PRDM10: variants seen among roughly 807,000 people sequenced by gnomAD.
PRDM10 encodes the protein PR domain zinc finger protein 10.
In PRDM10, 65 loss-of-function variants were observed where a neutral mutation model predicts 133.1. That is an observed-to-expected ratio of 0.49 (90% CI 0.40 to 0.60). The LOEUF (loss-of-function observed/expected upper bound fraction) is 0.60, where lower values mean the gene tolerates loss of function less well. Among genes scored for constraint, PRDM10 ranks in the 20% least tolerant of loss-of-function variants. PRDM10 has a pLI of 0.00. For missense variants in PRDM10, 1,137 were observed against 1,507.1 expected, an observed-to-expected ratio of 0.75 and a Z score of 4.07; for synonymous variants, 582 against 580.4, an observed-to-expected ratio of 1.00 and a Z score of -0.04.
chr11:129,954,137 A>G (rs1345875229), intron 4 of PRDM10, among the ~76,000 whole-genome samples: 1 of 151,240 alleles, frequency 6.6e-6, no homozygotes, highest in Non-Finnish European at 1.5e-5. Context: ...AAACTTCTCT[A>G]TATTTCAGAT....
Position 129,959,861 on chromosome 11 carries a change from C to G in PRDM10, c.69+1035G>C, listed in dbSNP as rs78951240. Among the ~76,000 whole-genome samples the G allele has an allele frequency of 9.8e-3, 1,494 of 151,970 alleles. 25 individuals are homozygous for G. The highest frequency in any genetic ancestry group is 0.034 in the African/African-American group (1,424 of 41,442). On this transcript the variant is annotated intron_variant, in intron 2 of 20. Transcript: ENST00000360871. The stretch of plus-strand genomic sequence containing the variant: ...TGGTGCAGTCATGGTTCACTGCAGC[C>G]TCCACCTCCTAGAGACATGACCGCA...
chr11:129,932,063 A>T (rs1251239948), intron 10 of PRDM10, 39 bp downstream of exon 10: 2 of 1,596,766 alleles, frequency 1.3e-6, no homozygotes, highest in African/African-American at 2.7e-5. Context: ...AGTCCTCCAC[A>T]CAAGCACCTA....
At position 129,910,489 on chromosome 11, in the gene PRDM10, G is replaced by A. The variant is rs769955723; in HGVS notation, c.3150C>T (p.Ser1050=). The part of the protein sequence containing the change: ...QHTYLPSAWN[S]FRGYSSEIQM... ...CTTCTTACTTACAATAGCCACGGAA[G>A]GAATTCCAAGCACTGGGCAGGTACG... is the stretch of plus-strand genomic sequence containing the variant. The change falls in exon 19 of 21, where the codon TCC becomes TCT. Residue 1050 remains serine, a synonymous_variant. Transcript: ENST00000360871. The A allele has an allele frequency of 9.9e-6, 16 of 1,613,968 alleles. No individual in the cohort carries two copies. Among genetic ancestry groups the A allele is most frequent in the Non-Finnish European group, 1.3e-5 (15 of 1,180,050 alleles).
chr11:129,933,868 T>A (rs1892905), intron 9 of PRDM10, among the ~76,000 whole-genome samples: 2 of 151,944 alleles, frequency 1.3e-5, no homozygotes, highest in Admixed American at 6.6e-5. Flanking sequence ...AGCCTCTTCA[T>A]GCCAATCCCA....
chr11:129,985,367 G>T (rs1288478040), intron 1 of PRDM10, among the ~76,000 whole-genome samples: 1 of 151,998 alleles, frequency 6.6e-6, no homozygotes, highest in Non-Finnish European at 1.5e-5. Context: ...AACACTATGG[G>T]GGGAAAATGC....
intron 13 of PRDM10, among the ~76,000 whole-genome samples, chr11:129,920,954 C>T (rs1192321151): frequency 6.6e-6 from 1 of 152,098 alleles, no homozygotes; most frequent in African/African-American, 2.4e-5. Context: ...TGCACCACCA[C>T]GCCTGGCTAC....
intron 1 of PRDM10, among the ~76,000 whole-genome samples, chr11:130,001,867 C>T (rs932872396): frequency 6.6e-5 from 10 of 152,054 alleles, no homozygotes; most frequent in Middle Eastern, 3.4e-3. Flanking sequence ...AGGGCCGCGA[C>T]CCCGGCCTCG....
chr11:129,988,451 C>T (rs1173142356), intron 1 of PRDM10, among the ~76,000 whole-genome samples: 2 of 152,014 alleles, frequency 1.3e-5, no homozygotes, highest in South Asian at 2.1e-4. Context: ...AGGCTGGTCT[C>T]GAACTCCTGG....
intron 1 of PRDM10, among the ~76,000 whole-genome samples, chr11:129,991,817 C>CAAA (rs71057994): frequency 2.0e-4 from 19 of 94,288 alleles, no homozygotes; most frequent in East Asian, 1.7e-3. Context: ...GACTCCATCT[C>CAAA]AAAAAAAAAA....
intron 20 of PRDM10, among the ~76,000 whole-genome samples, chr11:129,904,155 T>TAAAA (rs11409202): frequency 1.9e-5 from 2 of 107,366 alleles, no homozygotes; most frequent in Admixed American, 1.0e-4. Context: ...CTCAGTATAC[T>TAAAA]AAAAAAAAAA....
chr11:129,926,694 T>C (rs1398181831), intron 11 of PRDM10, among the ~76,000 whole-genome samples: 1 of 152,178 alleles, frequency 6.6e-6, no homozygotes, highest in Non-Finnish European at 1.5e-5. Context: ...TTATCTTGAG[T>C]AGATAAACAG....
At chr11:129,911,183 A>G (rs545518051) in intron 18 of PRDM10, among the ~76,000 whole-genome samples, 1 of 152,380 alleles carries the variant, frequency 6.6e-6, no homozygotes, top group South Asian at 2.1e-4. Context: ...CTACCAGAGT[A>G]TGCAAAAAAA....
At chr11:129,903,919 G>A (rs1243459520) in intron 20 of PRDM10, among the ~76,000 whole-genome samples, 1 of 152,144 alleles carries the variant, frequency 6.6e-6, no homozygotes, top group African/African-American at 2.4e-5. Flanking sequence ...GGCAGGGGGA[G>A]AGAAATAACT....
chr11:129,919,598 G>A (rs1445845490), intron 13 of PRDM10, among the ~76,000 whole-genome samples: 1 of 152,156 alleles, frequency 6.6e-6, no homozygotes, highest in African/African-American at 2.4e-5. Context: ...GTGAGTCCAT[G>A]GAGAGAATCA....
At chr11:129,938,114 G>C (rs1951091950) in intron 7 of PRDM10, among the ~76,000 whole-genome samples, 1 of 151,904 alleles carries the variant, frequency 6.6e-6, no homozygotes, top group Non-Finnish European at 1.5e-5. Context: ...TGCTCACTCT[G>C]TTGGCCTCTT....
intron 20 of PRDM10, among the ~76,000 whole-genome samples, chr11:129,905,178 A>G (rs1565444519): frequency 2.6e-5 from 4 of 152,104 alleles, no homozygotes; most frequent in Admixed American, 2.0e-4. Context: ...ACTGGCCAGC[A>G]TGGTGAAACC....
At chr11:129,996,862 C>T (rs573988676) in intron 1 of PRDM10, among the ~76,000 whole-genome samples, 3 of 152,260 alleles carry the variant, frequency 2.0e-5, no homozygotes, top group South Asian at 2.1e-4. Context: ...TAACAGGCAT[C>T]CTCACTTGGA....
At chr11:129,983,446 C>G (rs1401057018) in intron 1 of PRDM10, among the ~76,000 whole-genome samples, 1 of 152,050 alleles carries the variant, frequency 6.6e-6, no homozygotes, top group Non-Finnish European at 1.5e-5. Context: ...AGGTGCCCCC[C>G]ACCGCGCCCA....
chr11:129,986,772 A>G (rs949307124), intron 1 of PRDM10, among the ~76,000 whole-genome samples: 1 of 152,134 alleles, frequency 6.6e-6, no homozygotes, highest in Non-Finnish European at 1.5e-5. Context: ...GACCCAGGTG[A>G]GGGAAGTTAC....
Sources: allele counts gnomAD v4.1 joint callset (sites outside exome capture counted in the v4.1 genomes callset), GRCh38; gene constraint gnomAD v4.1.1; transcripts MANE v1.5; gene names NCBI Gene and HGNC (gene_info 2026-07-23, HGNC 2026-07-21).